POTEG: variants seen among roughly 807,000 people sequenced by gnomAD.
POTEG encodes POTE ankyrin domain family member G.
A neutral mutation model predicts 49.6 loss-of-function variants in POTEG; 2 were observed. That is an observed-to-expected ratio of 0.04 (90% CI 0.02 to 0.13). POTEG has a LOEUF of 0.13. Among genes scored for constraint, POTEG ranks in the 10% least tolerant of loss-of-function variants. The probability of loss-of-function intolerance (pLI) is 1.00; values close to 1 mark genes in which losing one functional copy is unlikely to be tolerated. For synonymous variants in POTEG, 7 were observed against 186.6 expected, an observed-to-expected ratio of 0.04 and a Z score of 7.84; for missense variants, 26 against 545.2, an observed-to-expected ratio of 0.05 and a Z score of 9.48.
chr14:19,415,148 T>C (rs1446042907), intron 7 of POTEG, among the ~76,000 whole-genome samples: 1 of 144,876 alleles, frequency 6.9e-6, no homozygotes, highest in Non-Finnish European at 1.6e-5. Context: ...TAAATTTTAA[T>C]TGAAATTATA....
intron 8 of POTEG, 135 bp downstream of exon 8, chr14:19,414,427 T>G (rs1482510156): frequency 1.4e-6 from 1 of 705,490 alleles, no homozygotes; most frequent in Non-Finnish European, 2.3e-6. Flanking sequence ...AATTCTGAGT[T>G]AAGTATTAAA....
intron 3 of POTEG, among the ~76,000 whole-genome samples, chr14:19,426,380 C>T (rs1883945101): frequency 6.7e-6 from 1 of 149,518 alleles, no homozygotes; most frequent in African/African-American, 2.5e-5. Context: ...TATGCCAAAG[C>T]TCTACATACT....
rs1594273847 is a variant in POTEG at position 19,415,847 on chromosome 14, T to A, written c.1197+441A>T. ...TATTAAAATTTTTTTTTTTTTTTTT[T>A]TTTTTTTTTTTTTTTTGACACAGAG... is the stretch of plus-strand genomic sequence containing the variant. On this transcript the variant is annotated intron_variant, in intron 7 of 10. Coordinates refer to ENST00000547848, the MANE Select transcript of POTEG (RefSeq NM_001005356.3). 2.8e-5 allele frequency among the ~76,000 whole-genome samples: 4 copies of A among 140,494 alleles called. 1 individual carries two copies. The highest frequency in any genetic ancestry group is 4.1e-4 in the East Asian group (2 of 4,868). 92.2% of individuals were successfully genotyped at this position (140,494 alleles called of 152,430 possible). A position where few individuals can be genotyped will look rare whatever the true frequency, so the allele number is the denominator to read the frequency against.
chr14:19,415,146 A>C lies in POTEG; in HGVS notation c.1198-540T>G, dbSNP rs1367584014. On this transcript the variant is annotated intron_variant, in intron 7 of 10. Coordinates refer to ENST00000547848, the MANE Select transcript of POTEG (RefSeq NM_001005356.3). Reference sequence around the variant, plus strand: ...AAAGAGATGCAAATTCTTAAATTTTAATTGAAATTATATACTGTAATATGA... The same window carrying C: ...AAAGAGATGCAAATTCTTAAATTTTCATTGAAATTATATACTGTAATATGA... 1.5e-4 allele frequency among the ~76,000 whole-genome samples: 22 copies of C among 144,894 alleles called. 2 individuals are homozygous for C. The highest frequency in any genetic ancestry group is 2.6e-4 in the Non-Finnish European group (17 of 64,282).
intron 9 of POTEG, among the ~76,000 whole-genome samples, chr14:19,407,018 AG>A (rs1241912501): frequency 6.6e-6 from 1 of 152,198 alleles, no homozygotes; most frequent in African/African-American, 2.4e-5. Flanking sequence ...TATGGACAAC[AG>A]TATGGAGAGT....
At position 19,424,182 on chromosome 14, in the gene POTEG, A is replaced by G. The variant is rs1162372075; in HGVS notation, c.1038T>C (p.Val346=). Residue 346 remains valine (V), a synonymous_variant, in exon 5 of 11, where the codon GTT becomes GTC. Transcript: ENST00000547848. ...ACACTTACACATTATGATGACTAGA[A>G]ACAGCATACTCTCTGGCCGTCTGTC... ...LSGQTAREYA[V]SSHHNVICQL... 1 of 1,511,302 alleles carries G rather than the reference A, an allele frequency of 6.6e-7. No homozygotes were observed. The highest frequency in any genetic ancestry group is 2.5e-5 in the East Asian group (1 of 40,744). The allele number at this position is 1,511,302 out of a possible 1,614,324, so 93.6% of individuals were successfully genotyped here.
chr14:19,432,364 T>TTTATTTATATATA (rs1566383045), intron 1 of POTEG, among the ~76,000 whole-genome samples: 6 of 42,908 alleles, frequency 1.4e-4, no homozygotes, highest in South Asian at 8.1e-4. Context: ...AAAAGAAATT[T>TTTATTTATATATA]TGTATATATA....
In POTEG at chr14:19,415,829, A is replaced by ATT. The variant is rs58833974; in HGVS notation, c.1197+457_1197+458dup. ...CAATAAATTTTAAGAATCTATTAAA[A>ATT]TTTTTTTTTTTTTTTTTTTTTTTTT... is the stretch of plus-strand genomic sequence containing the variant. On this transcript the variant is annotated intron_variant, in intron 7 of 10. Transcript: ENST00000547848. 8.7e-3 allele frequency among the ~76,000 whole-genome samples: 843 copies of ATT among 96,484 alleles called. 2 individuals are homozygous for ATT. The highest frequency in any genetic ancestry group is 0.024 in the East Asian group (75 of 3,166). The allele number at this position is 96,484 out of a possible 152,430, so 63.3% of individuals were successfully genotyped here.
At chr14:19,432,385 T>TAC (rs1884174168) in intron 1 of POTEG, among the ~76,000 whole-genome samples, 1 of 84,030 alleles carries the variant, frequency 1.2e-5, no homozygotes, top group Non-Finnish European at 2.6e-5. Context: ...TATATATATA[T>TAC]ATATATATAT....
intron 8 of POTEG, among the ~76,000 whole-genome samples, chr14:19,413,775 A>AT (rs1883442706): frequency 2.5e-5 from 2 of 81,358 alleles, no homozygotes; most frequent in Admixed American, 2.5e-4. Flanking sequence ...ATTTTCCAAA[A>AT]TTCAAAAAGG....
At chr14:19,433,311 C>G (rs2139185522) in intron 1 of POTEG, among the ~76,000 whole-genome samples, 1 of 116,792 alleles carries the variant, frequency 8.6e-6, no homozygotes, top group East Asian at 2.5e-4. Context: ...AAGTAATCTT[C>G]TAAGATTACT....
rs200047078 is a variant in POTEG, at chr14:19,414,857, G to C, written c.1198-251C>G. Among the ~76,000 whole-genome samples, 107 of 131,844 alleles carry C rather than the reference G, an allele frequency of 8.1e-4. 1 individual carries two copies. Among genetic ancestry groups the C allele is most frequent in the Middle Eastern group, 3.9e-3 (1 of 256 alleles). The allele number at this position is 131,844 out of a possible 152,430, so 86.5% of individuals were successfully genotyped here. On this transcript the variant is annotated intron_variant, in intron 7 of 10. Transcript: ENST00000547848. ...TGAAAAATAATTCACCTTAGCCAAA[G>C]GGAGAAGAAAAACATGAACCAGCAA...
At chr14:19,416,016 T>C (rs1883550801) in intron 7 of POTEG, among the ~76,000 whole-genome samples, 1 of 147,522 alleles carries the variant, frequency 6.8e-6, no homozygotes, top group African/African-American at 2.4e-5. Flanking sequence ...GGCTAAGATT[T>C]TGTATTTTTA....
At chr14:19,432,408 A>ATCTG (rs1884185199) in intron 1 of POTEG, among the ~76,000 whole-genome samples, 4 of 95,816 alleles carry the variant, frequency 4.2e-5, no homozygotes, top group African/African-American at 1.3e-4. Flanking sequence ...ATATATACAC[A>ATCTG]CACATGTATA....
At chr14:19,432,397 TATATATAC>T (rs1422083183) in intron 1 of POTEG, among the ~76,000 whole-genome samples, 3 of 92,606 alleles carry the variant, frequency 3.2e-5, no homozygotes, top group African/African-American at 8.0e-5. Context: ...TATATATATA[TATATATAC>T]ACACACATGT....
intron 5 of POTEG, chr14:19,423,298 CCCTTTAGAACAAGCCTACCTAATA>C (rs1883810219): frequency 5.5e-5 from 2 of 36,156 alleles, no homozygotes; most frequent in Non-Finnish European, 1.7e-4. Context: ...ACTCCTCTGA[CCCTTTAGAACAAGCCTACCTAATA>C]TCTGCTAGAG....
chr14:19,432,399 T>TAA (rs1884180438), intron 1 of POTEG, among the ~76,000 whole-genome samples: 1 of 88,338 alleles, frequency 1.1e-5, no homozygotes, highest in Admixed American at 1.1e-4. Context: ...TATATATATA[T>TAA]ATATACACAC....
chr14:19,402,800 AC>A lies in POTEG; in HGVS notation c.*310del. 2.3e-6 allele frequency: 1 copy of A among 431,444 alleles called. No individual in the cohort carries two copies. Among genetic ancestry groups the A allele is most frequent in the Non-Finnish European group, 3.8e-6 (1 of 260,086 alleles). The allele number at this position is 431,444 out of a possible 1,614,324, so 26.7% of individuals were successfully genotyped here. On this transcript the variant is annotated 3_prime_UTR_variant, in exon 11 of 11. Coordinates refer to ENST00000547848, the MANE Select transcript of POTEG (RefSeq NM_001005356.3). ...CCCATCATGTTCTGGTGCCTGGGGC[AC>A]CCCACGATGGAAGGGAAGACAGCCC...
intron 7 of POTEG, among the ~76,000 whole-genome samples, chr14:19,415,829 A>ATTTTT (rs58833974): frequency 9.2e-4 from 89 of 96,718 alleles, no homozygotes; most frequent in African/African-American, 3.4e-3. Context: ...ATCTATTAAA[A>ATTTTT]TTTTTTTTTT....
Sources: allele counts gnomAD v4.1 joint callset (sites outside exome capture counted in the v4.1 genomes callset), GRCh38; gene constraint gnomAD v4.1.1; transcripts MANE v1.5; gene names NCBI Gene and HGNC (gene_info 2026-07-23, HGNC 2026-07-21).